MAP2K5: variants seen among roughly 807,000 people sequenced by gnomAD.
The protein encoded by MAP2K5 is mitogen-activated protein kinase kinase 5.
A neutral mutation model predicts 83.1 loss-of-function variants in MAP2K5; 49 were observed. The observed-to-expected ratio is 0.59, with a 90% confidence interval of 0.47 to 0.75. The LOEUF (loss-of-function observed/expected upper bound fraction) is 0.75, where lower values mean the gene tolerates loss of function less well. Ranked by LOEUF, MAP2K5 falls within the 30% of genes least tolerant of loss-of-function variation. The pLI is 0.00. For synonymous variants in MAP2K5, 202 were observed against 191.8 expected, an observed-to-expected ratio of 1.05 and a Z score of -0.44; for missense variants, 457 against 557.5, an observed-to-expected ratio of 0.82 and a Z score of 1.82.
chr15:67,546,664 A>G (rs1318543566), intron 1 of MAP2K5: 1 of 962,848 alleles, frequency 1.0e-6, no homozygotes. Flanking sequence ...TAGTTTTGGG[A>G]AAACTATACA....
chr15:67,694,422 A>T (rs1339403566), intron 15 of MAP2K5, among the ~76,000 whole-genome samples: 1 of 152,176 alleles, frequency 6.6e-6, no homozygotes, highest in Non-Finnish European at 1.5e-5. Context: ...GTTAGTATGG[A>T]TAAAACCGTG....
Position 67,665,880 on chromosome 15 carries a change from C to T in MAP2K5, c.847+1235C>T, listed in dbSNP as rs1488709916. Among the ~76,000 whole-genome samples, 18 of 151,886 alleles carry T rather than the reference C, an allele frequency of 1.2e-4. No individual in the cohort carries two copies. Among genetic ancestry groups the T allele is most frequent in the Admixed American group, 1.2e-3 (18 of 15,228 alleles). On this transcript the variant is annotated intron_variant, in intron 13 of 21. Coordinates refer to ENST00000178640, the MANE Select transcript of MAP2K5 (RefSeq NM_145160.3). This position sits in a 1 kb window ranked among gnomAD's most constrained non-coding sequence, Gnocchi z 4.2. ...AAAAAAATTGAACATTTTTGACTAC[C>T]AAGAGTAAGAGATAACAGTATTCAA...
intron 2 of MAP2K5, among the ~76,000 whole-genome samples, chr15:67,554,098 C>A (rs985166043): frequency 7.2e-5 from 11 of 152,164 alleles, no homozygotes; most frequent in Non-Finnish European, 8.8e-5. Context: ...GGCTCTGTCA[C>A]CCAGGCTGGA....
At chr15:67,741,027 CAAAAAAA>C (rs34516294) in intron 17 of MAP2K5, among the ~76,000 whole-genome samples, 1 of 63,136 alleles carries the variant, frequency 1.6e-5, no homozygotes, top group Non-Finnish European at 3.4e-5. Context: ...GACTCCGTCT[CAAAAAAA>C]AAAAAAAAAA....
At chr15:67,776,845 G>A (rs2090248807) in intron 21 of MAP2K5, among the ~76,000 whole-genome samples, 1 of 152,120 alleles carries the variant, frequency 6.6e-6, no homozygotes, top group South Asian at 2.1e-4. Context: ...TCCCTTCACT[G>A]TGTAACCTCA....
chr15:67,625,981 C>T (rs2086310801), intron 8 of MAP2K5, among the ~76,000 whole-genome samples: 1 of 152,194 alleles, frequency 6.6e-6, no homozygotes, highest in Admixed American at 6.5e-5. Flanking sequence ...CTGCTGGTCT[C>T]AAACGTCCAG....
intron 2 of MAP2K5, among the ~76,000 whole-genome samples, chr15:67,557,125 G>A (rs944858049): frequency 6.6e-6 from 1 of 152,122 alleles, no homozygotes; most frequent in African/African-American, 2.4e-5. Flanking sequence ...AGTTTCATTA[G>A]CAGATTAATG....
At chr15:67,602,339 C>A (rs550133798) in intron 8 of MAP2K5, among the ~76,000 whole-genome samples, 3 of 152,152 alleles carry the variant, frequency 2.0e-5, no homozygotes, top group Non-Finnish European at 4.4e-5. Flanking sequence ...AAAGCTTGAA[C>A]CTTTCTTCTT....
At chr15:67,664,708 T>C in intron 13 of MAP2K5, 63 bp downstream of exon 13, 2 of 1,065,154 alleles carry the variant, frequency 1.9e-6, no homozygotes, top group Non-Finnish European at 2.8e-6. Context: ...TCCAGATACC[T>C]TGATTTTTAA....
At chr15:67,588,658 T>C (rs1394604975) in intron 6 of MAP2K5, among the ~76,000 whole-genome samples, 3 of 152,210 alleles carry the variant, frequency 2.0e-5, no homozygotes, top group Non-Finnish European at 4.4e-5. Context: ...CTTTTACATC[T>C]TACCTCTGGA....
chr15:67,644,679 C>T lies in MAP2K5; in HGVS notation c.586-1552C>T, dbSNP rs2086791608. 6.6e-6 allele frequency among the ~76,000 whole-genome samples: 1 copy of T among 151,948 alleles called. No homozygotes were observed. The highest frequency in any genetic ancestry group is 2.1e-4 in the South Asian group (1 of 4,814). On this transcript the variant is annotated intron_variant, in intron 9 of 21. Coordinates refer to ENST00000178640, the MANE Select transcript of MAP2K5 (RefSeq NM_145160.3). This position sits in a 1 kb window ranked among gnomAD's most constrained non-coding sequence, Gnocchi z 4.6. ...TACCATTCCCAGGCTCTGTGGCTCC[C>T]AGGAGGGAAACGTGGTTTCCTCCTC...
In MAP2K5 at chr15:67,779,696, A is replaced by G. The variant is rs2090296431; in HGVS notation, c.1242+6944A>G. Among the ~76,000 whole-genome samples the G allele has an allele frequency of 2.0e-5, 3 of 152,160 alleles. No homozygotes were observed. The highest frequency in any genetic ancestry group is 1.3e-4 in the Admixed American group (2 of 15,280). ...TTTAAGATTGTAGTTATTTGAACTCATGTCTCTAATGCCTCTTTCGTGTTT... is the reference window on the plus strand; with the variant it reads ...TTTAAGATTGTAGTTATTTGAACTCGTGTCTCTAATGCCTCTTTCGTGTTT... On this transcript the variant is annotated intron_variant, in intron 21 of 21. Coordinates refer to ENST00000178640, the MANE Select transcript of MAP2K5 (RefSeq NM_145160.3). The surrounding 1 kb of genome is among the most constrained non-coding windows in gnomAD (Gnocchi z 4.6).
rs1375780075 is a variant in MAP2K5 at position 67,636,030 on chromosome 15, A to G, written c.585+5103A>G. Among the ~76,000 whole-genome samples, 2 of 152,076 alleles carry G rather than the reference A, an allele frequency of 1.3e-5. No individual in the cohort carries two copies. Among genetic ancestry groups the G allele is most frequent in the Admixed American group, 1.3e-4 (2 of 15,278 alleles). ...CATTGTCCAGGCTTGTCTTGAATTC[A>G]TGGGCTCAAGCAATCCACCCGCCTC... On this transcript the variant is annotated intron_variant, in intron 9 of 21. Coordinates refer to ENST00000178640, the MANE Select transcript of MAP2K5 (RefSeq NM_145160.3). The surrounding 1 kb of genome is among the most constrained non-coding windows in gnomAD (Gnocchi z 4.7).
chr15:67,773,595 A>G (rs1236746225), intron 21 of MAP2K5, among the ~76,000 whole-genome samples: 1 of 152,190 alleles, frequency 6.6e-6, no homozygotes, highest in African/African-American at 2.4e-5. Context: ...CAGTGCCCCA[A>G]CTTCTTTATA....
chr15:67,789,056 C>G (rs925230237), intron 21 of MAP2K5, among the ~76,000 whole-genome samples: 25 of 151,920 alleles, frequency 1.6e-4, no homozygotes, highest in African/African-American at 5.1e-4. Context: ...TCTTCCAGCC[C>G]TAATCTCTAG....
intron 17 of MAP2K5, among the ~76,000 whole-genome samples, chr15:67,728,852 G>A (rs1482357099): frequency 6.6e-6 from 1 of 152,148 alleles, no homozygotes; most frequent in Non-Finnish European, 1.5e-5. Context: ...TAATAGGATG[G>A]GGCTCATTCT....
At chr15:67,701,592 G>A (rs1053667458) in intron 15 of MAP2K5, among the ~76,000 whole-genome samples, 7 of 152,152 alleles carry the variant, frequency 4.6e-5, no homozygotes, top group African/African-American at 1.7e-4. Context: ...GCAGAGAAGA[G>A]GAAGGCAGGG....
intron 17 of MAP2K5, among the ~76,000 whole-genome samples, chr15:67,731,603 T>A (rs1424621154): frequency 2.0e-5 from 3 of 152,154 alleles, no homozygotes; most frequent in Admixed American, 6.5e-5. Flanking sequence ...CTTTCCCACA[T>A]AGGGTTCCAG....
chr15:67,730,554 TC>T (rs1478312569), intron 17 of MAP2K5, among the ~76,000 whole-genome samples: 5 of 152,172 alleles, frequency 3.3e-5, no homozygotes. Context: ...CTTGAACACT[TC>T]CAGTGACAAG....
Sources: gnomAD v4.1 joint callset for allele counts (sites outside exome capture counted in the v4.1 genomes callset) on GRCh38, gnomAD v4.1.1 for gene constraint, Gnocchi (gnomAD v3.1) non-coding constraint, MANE v1.5 for transcripts, NCBI Gene and HGNC (gene_info 2026-07-23, HGNC 2026-07-21) for gene names.